Variants in GRID2 observed in about 807,000 individuals in gnomAD.
The protein encoded by GRID2 is glutamate receptor ionotropic, delta-2.
A neutral mutation model predicts 114.8 loss-of-function variants in GRID2; 33 were observed. The observed-to-expected ratio is 0.29, with a 90% confidence interval of 0.22 to 0.38. The LOEUF (loss-of-function observed/expected upper bound fraction) is 0.38, where lower values mean the gene tolerates loss of function less well. GRID2 is among the 10% of genes least tolerant of loss of function. The pLI, the probability that GRID2 is intolerant of heterozygous loss-of-function variation, is 1.00. For missense variants in GRID2, 1,184 were observed against 1,257.7 expected (o/e 0.94, Z 0.89); for synonymous variants, 505 against 449.9 (o/e 1.12, Z -1.55).
chr4:92,697,987 AAGG>A, intron 2 of GRID2, among the ~76,000 whole-genome samples: 1 of 152,276 alleles, frequency 6.6e-6, no homozygotes, highest in African/African-American at 2.4e-5. Context: ...AATTTTTGAT[AAGG>A]AGTTGTACAA....
intron 8 of GRID2, among the ~76,000 whole-genome samples, chr4:93,251,586 G>T (rs1260511316): frequency 6.6e-6 from 1 of 152,086 alleles, no homozygotes; most frequent in African/African-American, 2.4e-5. Context: ...AGGGTTTGTT[G>T]TACAGATTAT....
chr4:92,398,346 A>C (rs1028257783), intron 1 of GRID2, among the ~76,000 whole-genome samples: 1 of 152,090 alleles, frequency 6.6e-6, no homozygotes, highest in Non-Finnish European at 1.5e-5. Context: ...TGTTGCCCAG[A>C]CTGGAGTGCA....
chr4:92,574,655 A>G (rs1727800884), intron 1 of GRID2, among the ~76,000 whole-genome samples: 2 of 152,036 alleles, frequency 1.3e-5, no homozygotes. Flanking sequence ...TTTGCCCTCC[A>G]ATCTCTGGGT....
At chr4:93,460,802 T>C (rs536170375) in intron 11 of GRID2, among the ~76,000 whole-genome samples, 1 of 152,238 alleles carries the variant, frequency 6.6e-6, no homozygotes, top group African/African-American at 2.4e-5. Context: ...AATAAAACAC[T>C]AAAATTATCC....
intron 1 of GRID2, among the ~76,000 whole-genome samples, chr4:92,421,912 C>G (rs571190023): frequency 6.6e-6 from 1 of 152,164 alleles, no homozygotes; most frequent in Admixed American, 6.6e-5. Context: ...AGAAAAAGTT[C>G]CTCGCTTCTT....
chr4:92,765,443 T>C (rs908046644), intron 2 of GRID2, among the ~76,000 whole-genome samples: 2 of 152,206 alleles, frequency 1.3e-5, no homozygotes, highest in East Asian at 3.9e-4. Flanking sequence ...AAGCTGTCGT[T>C]GATCTCCAGG....
chr4:93,769,391 A>T lies in GRID2; in HGVS notation c.2542A>T (p.Ile848Leu). The T allele has an allele frequency of 6.2e-7, 1 of 1,613,706 alleles. No homozygotes were observed. Among genetic ancestry groups the T allele is most frequent in the South Asian group, 1.1e-5 (1 of 91,074 alleles). ...TGCTGGAATTGTCCTCTCCTGCTTCATAGCCATGCTGGAGACGTGGTGGAA... is the reference window on the plus strand; with the variant it reads ...TGCTGGAATTGTCCTCTCCTGCTTCTTAGCCATGCTGGAGACGTGGTGGAA... ...LAAGIVLSCF[I>L]AMLETWWNKR... The change falls in exon 15 of 16, where the codon ATA becomes TTA. Residue 848 changes from isoleucine to leucine, a missense_variant. Ile to Leu is a conservative substitution (Grantham distance 5). Around this residue, in one of 3 missense-constraint regions of GRID2, gnomAD observed 717 missense variants for 796.9 expected, o/e 0.90. Coordinates refer to ENST00000282020, the MANE Select transcript of GRID2 (RefSeq NM_001510.4).
At chr4:93,080,666 T>C (rs758341751) in intron 2 of GRID2, among the ~76,000 whole-genome samples, 9 of 152,186 alleles carry the variant, frequency 5.9e-5, no homozygotes, top group Non-Finnish European at 1.2e-4. Flanking sequence ...ACTTTGAGGA[T>C]AGAACCTGTC....
intron 8 of GRID2, among the ~76,000 whole-genome samples, chr4:93,311,596 A>C (rs1158420374): frequency 6.6e-6 from 1 of 152,238 alleles, no homozygotes; most frequent in Non-Finnish European, 1.5e-5. Flanking sequence ...GGTTACTGGG[A>C]GAGAGCATCA....
At chr4:92,342,020 C>A (rs1292849882) in intron 1 of GRID2, among the ~76,000 whole-genome samples, 1 of 151,608 alleles carries the variant, frequency 6.6e-6, no homozygotes, top group Non-Finnish European at 1.5e-5. Context: ...ACTTATTTAA[C>A]ATTTTATTCA....
intron 1 of GRID2, among the ~76,000 whole-genome samples, chr4:92,335,686 A>G (rs554629604): frequency 6.6e-6 from 1 of 152,220 alleles, no homozygotes; most frequent in Non-Finnish European, 1.5e-5. Context: ...AGGGTATACC[A>G]TTACTGGGGA....
At chr4:92,941,773 T>A (rs1751156937) in intron 2 of GRID2, among the ~76,000 whole-genome samples, 1 of 152,204 alleles carries the variant, frequency 6.6e-6, no homozygotes, top group South Asian at 2.1e-4. Context: ...GTTGTGTCTT[T>A]GTTCTCATTG....
intron 1 of GRID2, among the ~76,000 whole-genome samples, chr4:92,572,030 G>A (rs1396707152): frequency 1.3e-5 from 2 of 151,950 alleles, no homozygotes; most frequent in East Asian, 1.9e-4. Context: ...AAATAACTAA[G>A]ATCAGAGCAG....
intron 2 of GRID2, among the ~76,000 whole-genome samples, chr4:92,625,571 A>T (rs1320969894): frequency 6.6e-6 from 1 of 151,878 alleles, no homozygotes; most frequent in African/African-American, 2.4e-5. Flanking sequence ...GAAAGCCTGC[A>T]TTTAAAAAAA....
At chr4:92,454,047 A>G (rs1178737027) in intron 1 of GRID2, among the ~76,000 whole-genome samples, 1 of 152,226 alleles carries the variant, frequency 6.6e-6, no homozygotes, top group African/African-American at 2.4e-5. Context: ...TAGTGTTTAA[A>G]TAAACAGTAC....
chr4:93,305,267 T>C (rs1180982818), intron 8 of GRID2, among the ~76,000 whole-genome samples: 1 of 152,126 alleles, frequency 6.6e-6, no homozygotes, highest in Non-Finnish European at 1.5e-5. Flanking sequence ...GTCAAGTTTA[T>C]AGACAGGGAA....
chr4:93,668,373 C>CT (rs67043287), intron 14 of GRID2, among the ~76,000 whole-genome samples: 17 of 151,038 alleles, frequency 1.1e-4, no homozygotes, highest in African/African-American at 2.4e-4. Flanking sequence ...TAGTTGTTCT[C>CT]TTTTTTTTTG....
intron 8 of GRID2, among the ~76,000 whole-genome samples, chr4:93,391,608 T>C (rs1303298072): frequency 1.3e-5 from 2 of 152,184 alleles, no homozygotes; most frequent in Non-Finnish European, 2.9e-5. Context: ...TATTAAAGCC[T>C]ACAAACTATT....
chr4:92,918,535 G>T (rs573486762), intron 2 of GRID2, among the ~76,000 whole-genome samples: 24 of 152,068 alleles, frequency 1.6e-4, no homozygotes, highest in Admixed American at 2.6e-4. Context: ...CATCAATACC[G>T]AATTTATGGA....
Sources: gnomAD v4.1 joint callset for allele counts (sites outside exome capture counted in the v4.1 genomes callset) on GRCh38, gnomAD v4.1.1 for gene constraint, gnomAD v4.1.1 regional missense constraint, MANE v1.5 for transcripts, NCBI Gene and HGNC (gene_info 2026-07-23, HGNC 2026-07-21) for gene names.